Variants in RFX6 observed in about 807,000 individuals in gnomAD.
RFX6 encodes the protein regulatory factor X6.
RFX6 carries 50 observed loss-of-function variants against 110.8 expected under a neutral mutation model. The ratio of observed to expected loss-of-function variants is 0.45; its 90% CI spans 0.36 to 0.57. The LOEUF is 0.57. Among genes scored for constraint, RFX6 ranks in the 20% least tolerant of loss-of-function variants. The pLI is 0.00. For synonymous variants in RFX6, 383 were observed against 411.2 expected, an observed-to-expected ratio of 0.93 and a Z score of 0.83; for missense variants, 990 against 1,127.0, an observed-to-expected ratio of 0.88 and a Z score of 1.74.
At chr6:116,923,321 C>A (rs746855885) in intron 14 of RFX6, 97 bp downstream of exon 14, 18 of 769,788 alleles carry the variant, frequency 2.3e-5, no homozygotes, top group Admixed American at 5.2e-5. Flanking sequence ...TACATCATCA[C>A]TTCTTAAACT....
In RFX6 at chr6:116,877,304, C is replaced by A. The variant is rs376320481; in HGVS notation, c.29C>A (p.Thr10Asn). The change falls in exon 1 of 19, where the codon ACC (threonine) becomes AAC (asparagine). Residue 10 changes from threonine to asparagine, a missense_variant. Thr to Asn is a moderately conservative substitution (Grantham distance 65, BLOSUM62 0). Around this residue, in one of 5 missense-constraint regions of RFX6, gnomAD observed 175 missense variants for 162.3 expected, o/e 1.08. Coordinates refer to ENST00000332958, the MANE Select transcript of RFX6 (RefSeq NM_173560.4). MAKVPELED[T>N]FLQAQPAPQL... The stretch of plus-strand genomic sequence containing the variant: ...GCCAAGGTCCCGGAGCTGGAAGACA[C>A]CTTCCTGCAGGCGCAGCCTGCGCCC... 5.6e-6 allele frequency: 9 copies of A among 1,612,328 alleles called. No homozygotes were observed. In the African/African-American group the frequency reaches 8.0e-5, roughly 14 times the overall value.
intron 6 of RFX6, among the ~76,000 whole-genome samples, chr6:116,909,622 T>C (rs1334131331): frequency 7.9e-6 from 1 of 127,074 alleles, no homozygotes; most frequent in Non-Finnish European, 1.8e-5. Flanking sequence ...TAAATAATAG[T>C]TATTAATTAA....
Position 116,910,957 on chromosome 6 carries a change from C to T in RFX6, c.695C>T (p.Ser232Leu), listed in dbSNP as rs780273514. The T allele has an allele frequency of 5.2e-5, 84 of 1,613,264 alleles. 1 individual carries two copies. In the Admixed American group the frequency reaches 5.5e-4, roughly 11 times the overall value. The change falls in exon 7 of 19, where the codon TCG (serine) becomes TTG (leucine). Residue 232 changes from serine (S) to leucine (L), a missense_variant. By Grantham distance (145) the Ser-to-Leu change is moderately radical. Coordinates refer to ENST00000332958, the MANE Select transcript of RFX6 (RefSeq NM_173560.4). ...KNEGGFTRKY[S>L]LSSKTGTLLP... ...TAGGGTGGCTTCACTCGTAAATATTCGCTTAGCTCAAAAACTGGAACACTT... is the reference window on the plus strand; with the variant it reads ...TAGGGTGGCTTCACTCGTAAATATTTGCTTAGCTCAAAAACTGGAACACTT...
At chr6:116,884,025 T>C (rs901670040) in intron 4 of RFX6, among the ~76,000 whole-genome samples, 3 of 152,184 alleles carry the variant, frequency 2.0e-5, no homozygotes, top group African/African-American at 7.2e-5. Context: ...TCTTACTTTC[T>C]AGCATGTAGT....
chr6:116,926,132 C>T (rs560787149), intron 16 of RFX6, among the ~76,000 whole-genome samples: 2 of 152,236 alleles, frequency 1.3e-5, no homozygotes, highest in African/African-American at 4.8e-5. Flanking sequence ...GCCTGCCCAA[C>T]ATGGCAAAAC....
At position 116,922,097 on chromosome 6, in the gene RFX6, T is replaced by G; in HGVS notation, c.1383T>G (p.Thr461=). 1 of 1,566,664 alleles carries G rather than the reference T, an allele frequency of 6.4e-7. No homozygotes were observed. The highest frequency in any genetic ancestry group is 8.8e-7 in the Non-Finnish European group (1 of 1,138,258). ...AGGATCTCCTTAAGAAGAATGCCAC[T>G]GTGGAGGCTTTTATTGAATGGTTGG... ...ELKDLLKKNA[T]VEAFIEWLDT... Residue 461 remains threonine (T), a synonymous_variant, in exon 13 of 19, where the codon ACT becomes ACG. Transcript: ENST00000332958.
At chr6:116,908,687 CAG>C (rs751165032) in intron 6 of RFX6, among the ~76,000 whole-genome samples, 5,901 of 67,026 alleles carry the variant, frequency 0.088, 201 homozygotes, top group South Asian at 0.28. Context: ...CACACACACA[CAG>C]ACACACACAC....
At chr6:116,881,988 C>T (rs944225021) in intron 3 of RFX6, among the ~76,000 whole-genome samples, 3 of 151,936 alleles carry the variant, frequency 2.0e-5, no homozygotes, top group South Asian at 2.1e-4. Context: ...TTTATATGTC[C>T]TTTGGGGTTG....
At chr6:116,916,480 T>A (rs1237304879) in intron 9 of RFX6, among the ~76,000 whole-genome samples, 166 bp downstream of exon 9, 2 of 152,110 alleles carry the variant, frequency 1.3e-5, no homozygotes, top group African/African-American at 4.8e-5. Flanking sequence ...CGTTTAATAG[T>A]GTATGTGTTT....
intron 16 of RFX6, among the ~76,000 whole-genome samples, chr6:116,926,281 C>G (rs1775730455): frequency 6.6e-6 from 1 of 152,134 alleles, no homozygotes; most frequent in Non-Finnish European, 1.5e-5. Context: ...GAGTGAAGCT[C>G]CATATCAAAA....
At chr6:116,921,175 C>T (rs1775586945) in intron 12 of RFX6, among the ~76,000 whole-genome samples, 1 of 152,134 alleles carries the variant, frequency 6.6e-6, no homozygotes, top group Admixed American at 6.5e-5. Flanking sequence ...CTCTCTGGGG[C>T]CCAATCTCAA....
intron 15 of RFX6, 98 bp from the exon 16 acceptor site, chr6:116,925,355 C>G: frequency 9.5e-7 from 1 of 1,048,362 alleles, no homozygotes; most frequent in Admixed American, 1.7e-5. Context: ...AGATTAAATA[C>G]TCAACAATGA....
At chr6:116,919,817 T>C (rs1040775) in intron 11 of RFX6, among the ~76,000 whole-genome samples, 109,468 of 152,096 alleles carry the variant, frequency 0.72, 39,731 homozygotes, top group East Asian at 0.91. Context: ...TTAAGAATGA[T>C]GCATTTGTAT....
chr6:116,931,036 G>A (rs188414713), intron 18 of RFX6, among the ~76,000 whole-genome samples: 2 of 152,264 alleles, frequency 1.3e-5, no homozygotes, highest in East Asian at 1.9e-4. Context: ...AACTACAACC[G>A]TGAAAGTGCA....
intron 10 of RFX6, 86 bp from the exon 11 acceptor site, chr6:116,919,051 T>C (rs886279678): frequency 1.0e-4 from 126 of 1,232,102 alleles, no homozygotes; most frequent in Middle Eastern, 4.8e-4. Flanking sequence ...TATGAAACCA[T>C]AGAATAATAG....
At chr6:116,886,289 A>G (rs1373453355) in intron 4 of RFX6, among the ~76,000 whole-genome samples, 1 of 152,206 alleles carries the variant, frequency 6.6e-6, no homozygotes, top group East Asian at 1.9e-4. Flanking sequence ...CAGTTTGGCC[A>G]AATTATTATA....
chr6:116,925,556 C>T lies in RFX6; in HGVS notation c.1782C>T (p.His594=), dbSNP rs4946206. ...VSSDAVKNES[H]VETTYLPLPS... ...GCGACGCTGTGAAGAATGAAAGCCA[C>T]GTGGAGACAACCTATCTCCCTCTGC... The change falls in exon 16 of 19, where the codon CAC becomes CAT. Residue 594 remains histidine, a synonymous_variant. Transcript: ENST00000332958. 349,707 of 1,613,216 alleles carry T rather than the reference C, an allele frequency of 0.22. 42,486 individuals carry two copies. Among genetic ancestry groups the T allele is most frequent in the South Asian group, 0.41 (37,443 of 91,060 alleles).
chr6:116,912,544 T>C (rs933486323), intron 7 of RFX6, among the ~76,000 whole-genome samples: 5 of 152,180 alleles, frequency 3.3e-5, no homozygotes, highest in East Asian at 1.9e-4. Flanking sequence ...AATCCCCCAG[T>C]AAATGTTAAC....
At chr6:116,897,944 G>A (rs1432711327) in intron 6 of RFX6, among the ~76,000 whole-genome samples, 2 of 152,076 alleles carry the variant, frequency 1.3e-5, no homozygotes, top group Non-Finnish European at 1.5e-5. Context: ...CATGGTAATG[G>A]ATAAAAATGC....
Sources: allele counts gnomAD v4.1 joint callset (sites outside exome capture counted in the v4.1 genomes callset), GRCh38; gene constraint gnomAD v4.1.1; regional missense constraint gnomAD v4.1.1; transcripts MANE v1.5; gene names NCBI Gene and HGNC (gene_info 2026-07-23, HGNC 2026-07-21).